MAML2: variants seen among roughly 807,000 people sequenced by gnomAD.
MAML2 encodes the protein mastermind-like protein 2.
In MAML2, 22 loss-of-function variants were observed where a neutral mutation model predicts 96.1. The observed-to-expected ratio is 0.23, with a 90% confidence interval of 0.16 to 0.33. The LOEUF (loss-of-function observed/expected upper bound fraction) is 0.33, where lower values mean the gene tolerates loss of function less well. MAML2 is among the 10% of genes least tolerant of loss of function. MAML2 has a pLI of 1.00. For synonymous variants in MAML2, 561 were observed against 521.3 expected (o/e 1.08, Z -1.04); for missense variants, 1,367 against 1,392.4 (o/e 0.98, Z 0.29).
At chr11:96,054,846 G>A (rs1859037842) in intron 2 of MAML2, among the ~76,000 whole-genome samples, 1 of 151,904 alleles carries the variant, frequency 6.6e-6, no homozygotes, top group Admixed American at 6.6e-5. Context: ...GAACAGGAAG[G>A]GATTTCTTTA....
chr11:96,214,304 G>A (rs924776042), intron 1 of MAML2, among the ~76,000 whole-genome samples: 4 of 152,134 alleles, frequency 2.6e-5, no homozygotes, highest in Non-Finnish European at 4.4e-5. Flanking sequence ...TTTGAGTCAC[G>A]AAATTCTGGA....
At chr11:96,182,171 A>G (rs997410199) in intron 1 of MAML2, among the ~76,000 whole-genome samples, 4 of 149,694 alleles carry the variant, frequency 2.7e-5, no homozygotes, top group Non-Finnish European at 6.0e-5. Context: ...GGTCTGCCTT[A>G]CCTGCCTCCC....
chr11:96,159,153 G>T (rs1861057787), intron 1 of MAML2, among the ~76,000 whole-genome samples: 1 of 152,160 alleles, frequency 6.6e-6, no homozygotes, highest in Non-Finnish European at 1.5e-5. Context: ...AAAAAGAGGA[G>T]AAATCAGTGG....
chr11:96,220,968 G>C (rs1360388218), intron 1 of MAML2, among the ~76,000 whole-genome samples: 1 of 152,188 alleles, frequency 6.6e-6, no homozygotes, highest in African/African-American at 2.4e-5. Flanking sequence ...TCAGTACCCA[G>C]TGCCTTTTTC....
Position 96,092,383 on chromosome 11 carries a change from C to T in MAML2, c.1648G>A (p.Glu550Lys). The T allele has an allele frequency of 6.2e-7, 1 of 1,613,886 alleles. No individual in the cohort carries two copies. The highest frequency in any genetic ancestry group is 8.5e-7 in the Non-Finnish European group (1 of 1,179,866). The change falls in exon 2 of 5, where the codon GAG becomes AAG. Residue 550 changes from glutamate to lysine, a missense_variant. Coordinates refer to ENST00000524717, the MANE Select transcript of MAML2 (RefSeq NM_032427.4). This position sits in a 1 kb window ranked among gnomAD's most constrained non-coding sequence, Gnocchi z 4.1. ...SFINNPHPAM[E>K]PRQGNTKPLF... ...GGCTTGGTGTTGCCCTGACGGGGCT[C>T]CATGGCTGGGTGCGGGTTGTTAATA...
At chr11:96,108,828 T>C (rs575071587) in intron 1 of MAML2, among the ~76,000 whole-genome samples, 1 of 151,754 alleles carries the variant, frequency 6.6e-6, no homozygotes, top group Non-Finnish European at 1.5e-5. Flanking sequence ...AGTCCAGGAG[T>C]TCGAGACCAG....
intron 2 of MAML2, among the ~76,000 whole-genome samples, chr11:95,995,304 G>A (rs1207432377): frequency 1.3e-5 from 2 of 152,024 alleles, no homozygotes; most frequent in African/African-American, 2.4e-5. Flanking sequence ...AGATGGGTGG[G>A]GTATCATTCT....
At chr11:96,076,731 A>T (rs1859446653) in intron 2 of MAML2, among the ~76,000 whole-genome samples, 1 of 152,228 alleles carries the variant, frequency 6.6e-6, no homozygotes, top group Non-Finnish European at 1.5e-5. Context: ...ACCCACAGAC[A>T]GTTGGGAACG....
intron 2 of MAML2, among the ~76,000 whole-genome samples, chr11:96,015,715 G>C (rs950579947): frequency 1.3e-5 from 2 of 152,032 alleles, no homozygotes; most frequent in African/African-American, 4.8e-5. Flanking sequence ...AGGCTTTATG[G>C]CATTAGATAC....
intron 2 of MAML2, among the ~76,000 whole-genome samples, chr11:96,009,597 C>T (rs1858237088): frequency 6.6e-6 from 1 of 152,148 alleles, no homozygotes. Context: ...CAACTGTGTA[C>T]TTACTACTCT....
At chr11:96,289,030 G>A (rs1268174455) in intron 1 of MAML2, among the ~76,000 whole-genome samples, 1 of 152,164 alleles carries the variant, frequency 6.6e-6, no homozygotes, top group Non-Finnish European at 1.5e-5. Flanking sequence ...AGGTGACCAT[G>A]GTATGTGTAA....
At chr11:96,304,825 G>A (rs995982714) in intron 1 of MAML2, among the ~76,000 whole-genome samples, 1 of 152,034 alleles carries the variant, frequency 6.6e-6, no homozygotes, top group Non-Finnish European at 1.5e-5. Flanking sequence ...GGACCTTAAA[G>A]AAAAAAATAA....
intron 1 of MAML2, among the ~76,000 whole-genome samples, chr11:96,302,787 C>T (rs1389313293): frequency 6.6e-6 from 1 of 152,116 alleles, no homozygotes; most frequent in Non-Finnish European, 1.5e-5. Flanking sequence ...GAATACACAC[C>T]GACACATACC....
intron 1 of MAML2, among the ~76,000 whole-genome samples, chr11:96,324,871 A>G (rs1173707350): frequency 6.6e-6 from 1 of 152,242 alleles, no homozygotes; most frequent in Non-Finnish European, 1.5e-5. Flanking sequence ...GTTTCTCTTC[A>G]TAATGACCTT....
chr11:96,000,355 C>T (rs1858061974), intron 2 of MAML2, among the ~76,000 whole-genome samples: 1 of 152,168 alleles, frequency 6.6e-6, no homozygotes, highest in Non-Finnish European at 1.5e-5. Flanking sequence ...TTTATTGGAA[C>T]ACAGCCATAC....
intron 2 of MAML2, among the ~76,000 whole-genome samples, chr11:96,013,656 A>C (rs1858298699): frequency 6.6e-6 from 1 of 152,182 alleles, no homozygotes; most frequent in African/African-American, 2.4e-5. Flanking sequence ...AGAGGAGCAC[A>C]CTGGCAGAGG....
intron 2 of MAML2, among the ~76,000 whole-genome samples, chr11:96,079,105 A>G (rs1483784718): frequency 6.6e-6 from 1 of 152,236 alleles, no homozygotes; most frequent in Non-Finnish European, 1.5e-5. Context: ...AACCACCAAC[A>G]TATTTTCAGT....
chr11:96,176,655 T>TAAC (rs1428739431), intron 1 of MAML2, among the ~76,000 whole-genome samples: 1 of 152,122 alleles, frequency 6.6e-6, no homozygotes, highest in Non-Finnish European at 1.5e-5. Flanking sequence ...AGTCTTGTTG[T>TAAC]AACTGAACCA....
intron 1 of MAML2, among the ~76,000 whole-genome samples, chr11:96,217,111 G>A (rs1862061723): frequency 6.6e-6 from 1 of 152,150 alleles, no homozygotes; most frequent in Non-Finnish European, 1.5e-5. Flanking sequence ...AACATACTTT[G>A]CTCAGTGCTC....
Sources: gnomAD v4.1 joint callset for allele counts (sites outside exome capture counted in the v4.1 genomes callset) on GRCh38, gnomAD v4.1.1 for gene constraint, Gnocchi (gnomAD v3.1) non-coding constraint, MANE v1.5 for transcripts, NCBI Gene and HGNC (gene_info 2026-07-23, HGNC 2026-07-21) for gene names.